The following LASP1 variants were observed in gnomAD, a reference collection of about 807,000 sequenced individuals.
LASP1 encodes the protein LIM and SH3 domain protein 1.
Under a neutral mutation model 38.6 loss-of-function variants are expected in LASP1, and 10 were observed. The ratio of observed to expected loss-of-function variants is 0.26; its 90% confidence interval spans 0.16 to 0.44. LASP1 has a LOEUF of 0.44. Among genes scored for constraint, LASP1 ranks in the 20% least tolerant of loss-of-function variants. LASP1 has a pLI of 1.00. For missense variants in LASP1, 243 were observed against 375.7 expected (o/e 0.65, Z 2.92); for synonymous variants, 132 against 140.8 (o/e 0.94, Z 0.44).
intron 2 of LASP1, among the ~76,000 whole-genome samples, chr17:38,880,045 T>G (rs1484058944): frequency 1.3e-5 from 2 of 152,154 alleles, no homozygotes; most frequent in Admixed American, 6.5e-5. Flanking sequence ...AATGGGACAT[T>G]CTTCGAATTC....
At chr17:38,876,778 A>G (rs1189917473) in intron 1 of LASP1, among the ~76,000 whole-genome samples, 2 of 136,838 alleles carry the variant, frequency 1.5e-5, no homozygotes, top group African/African-American at 2.8e-5. Context: ...TGTCACCCAG[A>G]CTGGAGTGCA....
intron 3 of LASP1, among the ~76,000 whole-genome samples, chr17:38,891,725 C>T (rs1459182748): frequency 6.6e-6 from 1 of 152,214 alleles, no homozygotes; most frequent in Non-Finnish European, 1.5e-5. Context: ...TTGTCTAACC[C>T]AGGGACTATC....
At chr17:38,882,318 G>A (rs1260671363) in intron 2 of LASP1, among the ~76,000 whole-genome samples, 1 of 152,170 alleles carries the variant, frequency 6.6e-6, no homozygotes, top group Non-Finnish European at 1.5e-5. Context: ...TGCGATCTCC[G>A]CTCACTACAA....
intron 4 of LASP1, among the ~76,000 whole-genome samples, chr17:38,912,332 A>G (rs1167799207): frequency 6.6e-6 from 1 of 152,142 alleles, no homozygotes; most frequent in African/African-American, 2.4e-5. Context: ...GAGGAAGGAG[A>G]GAGGGAGCAA....
intron 3 of LASP1, chr17:38,897,089 G>A: frequency 1.0e-6 from 1 of 985,584 alleles, no homozygotes; most frequent in Non-Finnish European, 1.2e-6. Context: ...CTGGACTCTT[G>A]GGGTGGGTTG....
chr17:38,881,067 C>T (rs1275696502), intron 2 of LASP1, among the ~76,000 whole-genome samples: 1 of 152,092 alleles, frequency 6.6e-6, no homozygotes, highest in Admixed American at 6.5e-5. Flanking sequence ...TGCCTCTGCA[C>T]TTCAGTCTGA....
intron 2 of LASP1, among the ~76,000 whole-genome samples, chr17:38,884,130 T>G (rs1317453541): frequency 1.3e-5 from 2 of 152,006 alleles, no homozygotes; most frequent in Non-Finnish European, 2.9e-5. Context: ...GATCCAAGCC[T>G]GGAACGGGCG....
chr17:38,895,386 T>C (rs1914457017), intron 3 of LASP1, among the ~76,000 whole-genome samples: 1 of 151,880 alleles, frequency 6.6e-6, no homozygotes, highest in Non-Finnish European at 1.5e-5. Context: ...AGTGTCACCA[T>C]CTCAGCTCAC....
intron 4 of LASP1, among the ~76,000 whole-genome samples, chr17:38,912,192 G>GC (rs1471033662): frequency 1.3e-5 from 2 of 152,256 alleles, no homozygotes; most frequent in Non-Finnish European, 2.9e-5. Flanking sequence ...TGGGAATAGG[G>GC]ACCTTGACTT....
At chr17:38,901,113 C>T (rs1914629174) in intron 4 of LASP1, among the ~76,000 whole-genome samples, 1 of 152,242 alleles carries the variant, frequency 6.6e-6, no homozygotes, top group Admixed American at 6.5e-5. Context: ...TGTGCAACCC[C>T]AGCTCCCTGG....
intron 1 of LASP1, among the ~76,000 whole-genome samples, chr17:38,871,626 C>T (rs1913612225): frequency 6.6e-6 from 1 of 152,042 alleles, no homozygotes; most frequent in Non-Finnish European, 1.5e-5. Context: ...TCCCCTCCCC[C>T]TTGGTGTGTG....
rs1567708716 is a variant in LASP1 at position 38,921,724 on chromosome 17, A to G, written c.*2946A>G. 4.4e-6 allele frequency: 1 copy of G among 227,896 alleles called. No individual in the cohort carries two copies. Among genetic ancestry groups the G allele is most frequent in the Non-Finnish European group, 8.7e-6 (1 of 114,856 alleles). 14.1% of individuals were successfully genotyped at this position (227,896 alleles called of 1,614,324 possible). A position where few individuals can be genotyped will look rare whatever the true frequency, so the allele number is the denominator to read the frequency against. Reference sequence around the variant, plus strand: ...AACATTTGACTTGAACCACAAGTGAATCTTTCTCCTGGTGACTCAAATAAA... The same window carrying G: ...AACATTTGACTTGAACCACAAGTGAGTCTTTCTCCTGGTGACTCAAATAAA... On this transcript the variant is annotated 3_prime_UTR_variant, in exon 7 of 7. Coordinates refer to ENST00000318008, the MANE Select transcript of LASP1 (RefSeq NM_006148.4).
intron 3 of LASP1, among the ~76,000 whole-genome samples, chr17:38,891,464 T>C (rs1247095521): frequency 1.3e-5 from 2 of 152,076 alleles, no homozygotes; most frequent in Non-Finnish European, 2.9e-5. Context: ...CTCAGCATCC[T>C]CCCAGCAGCC....
At chr17:38,902,396 A>C (rs1384429921) in intron 4 of LASP1, among the ~76,000 whole-genome samples, 2 of 90,064 alleles carry the variant, frequency 2.2e-5, no homozygotes, top group Admixed American at 1.3e-4. Context: ...TTTTTTTTTT[A>C]ATCAGAGACA....
chr17:38,920,856 C>T lies in LASP1; in HGVS notation c.*2078C>T, dbSNP rs1273513980. ...GGTGCATTCTGTTTCCTCTTGATCTCAAAGCACAATGTGGATTTGGGGACC... is the reference window on the plus strand; with the variant it reads ...GGTGCATTCTGTTTCCTCTTGATCTTAAAGCACAATGTGGATTTGGGGACC... On this transcript the variant is annotated 3_prime_UTR_variant, in exon 7 of 7. Coordinates refer to ENST00000318008, the MANE Select transcript of LASP1 (RefSeq NM_006148.4). 2.6e-5 allele frequency: 6 copies of T among 232,420 alleles called. No individual in the cohort carries two copies. Among genetic ancestry groups the T allele is most frequent in the African/African-American group, 2.2e-5 (1 of 45,224 alleles). The allele number at this position is 232,420 out of a possible 1,614,324, so 14.4% of individuals were successfully genotyped here. A position where few individuals can be genotyped will look rare whatever the true frequency, so the allele number is the denominator to read the frequency against.
chr17:38,880,549 C>T (rs990974402), intron 2 of LASP1, among the ~76,000 whole-genome samples: 1 of 152,238 alleles, frequency 6.6e-6, no homozygotes, highest in Non-Finnish European at 1.5e-5. Flanking sequence ...CTAGCCTCTG[C>T]CATGCCTCAT....
At chr17:38,886,069 A>C (rs1914118206) in intron 2 of LASP1, among the ~76,000 whole-genome samples, 1 of 148,866 alleles carries the variant, frequency 6.7e-6, no homozygotes, top group African/African-American at 2.5e-5. Context: ...CCTCTTCCTC[A>C]ACCCCCGTAG....
At chr17:38,882,034 C>A (rs1215523096) in intron 2 of LASP1, among the ~76,000 whole-genome samples, 2 of 152,184 alleles carry the variant, frequency 1.3e-5, no homozygotes, top group African/African-American at 4.8e-5. Context: ...GGCGGACCCC[C>A]ACATGCGTGC....
chr17:38,875,014 C>T (rs1032586715), intron 1 of LASP1, among the ~76,000 whole-genome samples: 3 of 151,016 alleles, frequency 2.0e-5, no homozygotes, highest in Non-Finnish European at 4.4e-5. Flanking sequence ...AATCAGGAGG[C>T]AGCCTTGGAG....
Sources: allele counts gnomAD v4.1 joint callset (sites outside exome capture counted in the v4.1 genomes callset), GRCh38; gene constraint gnomAD v4.1.1; transcripts MANE v1.5; gene names NCBI Gene and HGNC (gene_info 2026-07-23, HGNC 2026-07-21).